The following TCTN1 variants were observed in gnomAD, a reference collection of about 807,000 sequenced individuals.
The protein encoded by TCTN1 is tectonic family member 1.
In TCTN1, 58 loss-of-function variants were observed where a neutral mutation model predicts 65.8. The observed-to-expected ratio is 0.88, with a 90% confidence interval of 0.71 to 1.10. The LOEUF is 1.10. Among genes scored for constraint, TCTN1 ranks in the 50% least tolerant of loss-of-function variants. The pLI is 0.00. For synonymous variants in TCTN1, 273 were observed against 289.1 expected (o/e 0.94, Z 0.57); for missense variants, 645 against 719.4 (o/e 0.90, Z 1.18).
intron 2 of TCTN1, among the ~76,000 whole-genome samples, chr12:110,622,577 A>G (rs539480650): frequency 3.3e-4 from 50 of 152,120 alleles, no homozygotes; most frequent in Non-Finnish European, 5.4e-4. Flanking sequence ...GTCAGCATGG[A>G]CTGAGGGGAA....
intron 1 of TCTN1, among the ~76,000 whole-genome samples, chr12:110,617,434 C>T (rs2065120316): frequency 6.6e-6 from 1 of 151,836 alleles, no homozygotes; most frequent in African/African-American, 2.4e-5. Flanking sequence ...AGCGATTCTC[C>T]TGCCTCAGCC....
intron 1 of TCTN1, among the ~76,000 whole-genome samples, chr12:110,618,869 CTTA>C (rs2065228972): frequency 1.3e-5 from 2 of 151,934 alleles, no homozygotes; most frequent in African/African-American, 4.8e-5. Context: ...AAAAATCATC[CTTA>C]TTAATGATTA....
Position 110,640,311 on chromosome 12 carries a change from C to T in TCTN1, c.844-72C>T. On this transcript the variant is annotated intron_variant, in intron 7 of 14. Coordinates refer to ENST00000397659, the MANE Select transcript of TCTN1 (RefSeq NM_001082538.3). The surrounding 1 kb of genome is among the most constrained non-coding windows in gnomAD (Gnocchi z 4.9). ...CCATATATCAGGGGAGGTTTCTTTC[C>T]AGTTGGTTGGTTATTTTAGCCCATC... 6.2e-7 allele frequency: 1 copy of T among 1,602,040 alleles called. No individual in the cohort carries two copies.
intron 14 of TCTN1, 79 bp downstream of exon 14, chr12:110,647,972 G>T: frequency 1.3e-6 from 2 of 1,592,150 alleles, no homozygotes; most frequent in South Asian, 1.1e-5. Flanking sequence ...GTCCCTAGGG[G>T]ATACTGCATT....
intron 2 of TCTN1, chr12:110,625,714 C>T (rs1294962745): frequency 6.6e-6 from 1 of 150,712 alleles, no homozygotes; most frequent in Non-Finnish European, 1.5e-5. Context: ...CACTGCACTC[C>T]AGCCTGGGAG....
intron 7 of TCTN1, among the ~76,000 whole-genome samples, chr12:110,638,808 CAG>C (rs909001058): frequency 3.9e-5 from 6 of 152,188 alleles, no homozygotes; most frequent in Non-Finnish European, 8.8e-5. Context: ...ATTGCTGAAT[CAG>C]GGGCCACTAT....
intron 11 of TCTN1, 38 bp downstream of exon 11, chr12:110,642,427 A>T: frequency 6.2e-7 from 1 of 1,614,148 alleles, no homozygotes; most frequent in Non-Finnish European, 8.5e-7. Context: ...ACTTGTGCTG[A>T]TCAGAAAACA....
chr12:110,628,314 T>C, intron 3 of TCTN1: 1 of 1,334,050 alleles, frequency 7.5e-7, no homozygotes, highest in Non-Finnish European at 1.0e-6. Context: ...TAAAAAATCC[T>C]GGGAGAAGTG....
At position 110,642,400 on chromosome 12, in the gene TCTN1, C is replaced by G; in HGVS notation, c.1331+11C>G. 1 of 1,614,140 alleles carries G rather than the reference C, an allele frequency of 6.2e-7. No individual in the cohort carries two copies. Among genetic ancestry groups the G allele is most frequent in the Non-Finnish European group, 8.5e-7 (1 of 1,180,030 alleles). ...TGGCTGTAAACTAAGGTAAAAGAGT[C>G]ACTTGTTTCTGTTTGAACTTGTGCT... On this transcript the variant is annotated intron_variant, in intron 11 of 14. Coordinates refer to ENST00000397659, the MANE Select transcript of TCTN1 (RefSeq NM_001082538.3).
At chr12:110,618,800 A>G (rs1413392468) in intron 1 of TCTN1, among the ~76,000 whole-genome samples, 1 of 152,124 alleles carries the variant, frequency 6.6e-6, no homozygotes, top group Non-Finnish European at 1.5e-5. Flanking sequence ...TCCTTATTTG[A>G]CAGAATAAGA....
rs2066901692 is a variant in TCTN1 at position 110,640,757 on chromosome 12, T to C, written c.978+240T>C. On this transcript the variant is annotated intron_variant, in intron 8 of 14. Transcript: ENST00000397659. This position sits in a 1 kb window ranked among gnomAD's most constrained non-coding sequence, Gnocchi z 4.9. ...TGTTGTTGCTGTTTTTGTTTTAACA[T>C]GTTTCCTCTGCAGAGATAGGCTTAT... is the stretch of plus-strand genomic sequence containing the variant. Among the ~76,000 whole-genome samples the C allele has an allele frequency of 2.0e-5, 3 of 152,356 alleles. No homozygotes were observed. Among genetic ancestry groups the C allele is most frequent in the South Asian group, 4.1e-4 (2 of 4,832 alleles).
At chr12:110,636,297 C>G in intron 6 of TCTN1, 184 bp from the exon 7 acceptor site, 1 of 534,802 alleles carries the variant, frequency 1.9e-6, no homozygotes. Context: ...AATGTGACCT[C>G]TTTGATTAGG....
At chr12:110,628,044 G>A (rs1300487472) in intron 3 of TCTN1, 3 of 1,535,668 alleles carry the variant, frequency 2.0e-6, no homozygotes, top group Non-Finnish European at 2.6e-6. Context: ...TCTCTCTTCT[G>A]TACACAGCAC....
At chr12:110,620,237 C>A (rs2065325210) in intron 2 of TCTN1, among the ~76,000 whole-genome samples, 1 of 152,020 alleles carries the variant, frequency 6.6e-6, no homozygotes, top group Non-Finnish European at 1.5e-5. Context: ...GAAACCCCGT[C>A]TCTACTAAAA....
intron 3 of TCTN1, chr12:110,627,772 G>C: frequency 2.1e-6 from 1 of 467,292 alleles, no homozygotes; most frequent in Non-Finnish European, 3.8e-6. Flanking sequence ...TGAGCATTTA[G>C]CTCAAATATA....
At chr12:110,638,572 G>A (rs1227198769) in intron 7 of TCTN1, among the ~76,000 whole-genome samples, 1 of 152,200 alleles carries the variant, frequency 6.6e-6, no homozygotes, top group East Asian at 1.9e-4. Flanking sequence ...GGAATGGTAT[G>A]TGGTAGAAGA....
In TCTN1 at chr12:110,647,804, A is replaced by C; in HGVS notation, c.1691A>C (p.Asp564Ala). The C allele has an allele frequency of 6.8e-6, 11 of 1,614,146 alleles. No individual in the cohort carries two copies. Among genetic ancestry groups the C allele is most frequent in the Non-Finnish European group, 9.3e-6 (11 of 1,180,032 alleles). The stretch of plus-strand genomic sequence containing the variant: ...ATTTCCACTGCGGTTACTTTTGTGG[A>C]TGTGTCTGCACCTGCAGAGGCAGGC... ...ILISTAVTFV[D>A]VSAPAEAGFR... The change falls in exon 14 of 15, where the codon GAT (aspartate) becomes GCT (alanine). Residue 564 changes from aspartate (D) to alanine (A), a missense_variant. Asp to Ala is a moderately radical substitution (Grantham distance 126). Transcript: ENST00000397659.
At position 110,648,007 on chromosome 12, in the gene TCTN1, T is replaced by G. The variant is rs187041197; in HGVS notation, c.*1+114T>G. 7.9e-5 allele frequency: 119 copies of G among 1,510,424 alleles called. 2 individuals carry two copies. The African/African-American group carries it at 1.5e-3, about 19-fold the overall frequency. 93.6% of individuals were successfully genotyped at this position (1,510,424 alleles called of 1,614,324 possible). On this transcript the variant is annotated intron_variant, in intron 14 of 14. Coordinates refer to ENST00000397659, the MANE Select transcript of TCTN1 (RefSeq NM_001082538.3). Reference sequence around the variant, plus strand: ...TTTATACTTTTTGAGGGTCTCGCTTTGTTGCCCAGGCTGGAGTGCAGTGGT... The same window carrying G: ...TTTATACTTTTTGAGGGTCTCGCTTGGTTGCCCAGGCTGGAGTGCAGTGGT...
At chr12:110,636,727 C>T (rs1326952634) in intron 7 of TCTN1, among the ~76,000 whole-genome samples, 1 of 152,154 alleles carries the variant, frequency 6.6e-6, no homozygotes, top group Non-Finnish European at 1.5e-5. Flanking sequence ...TTGTACTCTT[C>T]CATGGTTCAG....
Sources: allele counts gnomAD v4.1 joint callset (sites outside exome capture counted in the v4.1 genomes callset), GRCh38; gene constraint gnomAD v4.1.1; non-coding constraint Gnocchi (gnomAD v3.1); transcripts MANE v1.5; gene names NCBI Gene and HGNC (gene_info 2026-07-23, HGNC 2026-07-21).